CATSPERE: variants seen among roughly 807,000 people sequenced by gnomAD.
CATSPERE encodes cation channel sperm-associated auxiliary subunit epsilon.
In CATSPERE, 93 loss-of-function variants were observed where a neutral mutation model predicts 114.1. The ratio of observed to expected loss-of-function variants is 0.81; its 90% confidence interval spans 0.69 to 0.97. CATSPERE has a LOEUF of 0.97. CATSPERE is among the 50% of genes least tolerant of loss of function. The probability of loss-of-function intolerance (pLI) is 0.00; values close to 1 mark genes in which losing one functional copy is unlikely to be tolerated. For synonymous variants in CATSPERE, 341 were observed against 384.1 expected, an observed-to-expected ratio of 0.89 and a Z score of 1.31; for missense variants, 1,058 against 1,131.6, an observed-to-expected ratio of 0.93 and a Z score of 0.93.
chr1:244,493,294 C>T (rs1053862141), intron 6 of CATSPERE, among the ~76,000 whole-genome samples: 8 of 152,256 alleles, frequency 5.3e-5, no homozygotes, highest in South Asian at 4.2e-4. Flanking sequence ...GAAATACTGC[C>T]ACATATCTAC....
At chr1:244,576,063 C>T (rs1335012866) in intron 11 of CATSPERE, among the ~76,000 whole-genome samples, 1 of 152,132 alleles carries the variant, frequency 6.6e-6, no homozygotes, top group African/African-American at 2.4e-5. Flanking sequence ...TTAGTCCTGA[C>T]CACCAAGGAA....
In CATSPERE at chr1:244,575,394, G is replaced by A. The variant is rs1665089782; in HGVS notation, c.1950+2622G>A. On this transcript the variant is annotated intron_variant, in intron 11 of 21. Coordinates refer to ENST00000366534, the MANE Select transcript of CATSPERE (RefSeq NM_001130957.2). This position sits in a 1 kb window ranked among gnomAD's most constrained non-coding sequence, Gnocchi z 4.5. ...GAGGGACCTACCTCTTGGCTGCCGGGCTGCGCGGCATGGTATCCTGGCCCC... is the reference window on the plus strand; with the variant it reads ...GAGGGACCTACCTCTTGGCTGCCGGACTGCGCGGCATGGTATCCTGGCCCC... 6.6e-6 allele frequency among the ~76,000 whole-genome samples: 1 copy of A among 152,214 alleles called. No homozygotes were observed. Among genetic ancestry groups the A allele is most frequent in the Non-Finnish European group, 1.5e-5 (1 of 68,038 alleles).
intron 10 of CATSPERE, among the ~76,000 whole-genome samples, chr1:244,570,629 C>T (rs1664293791): frequency 6.6e-6 from 1 of 152,122 alleles, no homozygotes; most frequent in African/African-American, 2.4e-5. Context: ...CTCATTTTAA[C>T]TTCATATTTA....
At chr1:244,592,541 A>G (rs971729766) in intron 15 of CATSPERE, among the ~76,000 whole-genome samples, 1 of 152,142 alleles carries the variant, frequency 6.6e-6, no homozygotes, top group Non-Finnish European at 1.5e-5. Flanking sequence ...ATTATTTAAA[A>G]TAATAAGTAG....
intron 8 of CATSPERE, among the ~76,000 whole-genome samples, chr1:244,534,319 G>C (rs1680046128): frequency 6.6e-6 from 1 of 152,050 alleles, no homozygotes; most frequent in Non-Finnish European, 1.5e-5. Flanking sequence ...GGTTTTGGAA[G>C]TTCTCTGTTA....
At chr1:244,460,572 C>T (rs370472849), upstream of CATSPERE, among the ~76,000 whole-genome samples, 553 of 152,362 alleles carry the variant, frequency 3.6e-3, 4 homozygotes, top group African/African-American at 0.012. Context: ...AATAATAAAA[C>T]TCCAGTCTCC....
In CATSPERE at chr1:244,560,853, G is replaced by T. The variant is rs1185409434; in HGVS notation, c.1215G>T (p.Val405=). Residue 405 remains valine (V), a synonymous_variant, in exon 10 of 22, where the codon GTG becomes GTT. Transcript: ENST00000366534. ...EYTGHPLEIA[V]FLNYCTVCNV... ...CAGGACACCCTCTGGAGATTGCTGTGTTTTTAAATTATTGCACTGTATGTA... is the reference window on the plus strand; with the variant it reads ...CAGGACACCCTCTGGAGATTGCTGTTTTTTTAAATTATTGCACTGTATGTA... 6.2e-7 allele frequency: 1 copy of T among 1,614,018 alleles called. No homozygotes were observed. The highest frequency in any genetic ancestry group is 8.5e-7 in the Non-Finnish European group (1 of 1,179,976).
intron 18 of CATSPERE, among the ~76,000 whole-genome samples, chr1:244,609,108 C>T (rs1034057965): frequency 2.6e-5 from 4 of 151,832 alleles, no homozygotes; most frequent in Non-Finnish European, 5.9e-5. Flanking sequence ...ATCGCTTGAA[C>T]CCAAGAAGTG....
rs3005943 is a variant in CATSPERE at position 244,531,359 on chromosome 1, C to T, written c.536+12661C>T. ...GTCTAATTGCTCTAGCTAGGACTTCCAGTACTGTTGAATAACAGTAGTGAA... is the reference window on the plus strand; with the variant it reads ...GTCTAATTGCTCTAGCTAGGACTTCTAGTACTGTTGAATAACAGTAGTGAA... On this transcript the variant is annotated intron_variant, in intron 8 of 21. Coordinates refer to ENST00000366534, the MANE Select transcript of CATSPERE (RefSeq NM_001130957.2). Among the ~76,000 whole-genome samples, 1,102 of 152,132 alleles carry T rather than the reference C, an allele frequency of 7.2e-3. 14 individuals are homozygous for T. The highest frequency in any genetic ancestry group is 0.025 in the African/African-American group (1,027 of 41,506).
At chr1:244,517,773 C>CA (rs113797840) in intron 7 of CATSPERE, among the ~76,000 whole-genome samples, 24,269 of 140,750 alleles carry the variant, frequency 0.17, 2,178 homozygotes, top group African/African-American at 0.22. Flanking sequence ...ACTCTTGTCT[C>CA]AAAAAAAAAA....
At chr1:244,506,889 C>T (rs1353747231) in intron 7 of CATSPERE, among the ~76,000 whole-genome samples, 1 of 152,094 alleles carries the variant, frequency 6.6e-6, no homozygotes, top group Non-Finnish European at 1.5e-5. Flanking sequence ...TATCCATTAA[C>T]CAGCCTCTCT....
At chr1:244,636,614 G>A (rs1207304204) in intron 21 of CATSPERE, 6 of 152,512 alleles carry the variant, frequency 3.9e-5, no homozygotes, top group Non-Finnish European at 8.8e-5. Flanking sequence ...CCCACCAACC[G>A]AAGAAGGAGT....
At chr1:244,603,863 C>G (rs1669618984) in intron 17 of CATSPERE, among the ~76,000 whole-genome samples, 1 of 152,098 alleles carries the variant, frequency 6.6e-6, no homozygotes, top group African/African-American at 2.4e-5. Flanking sequence ...TTAAAATTTA[C>G]TGGGTGTGGT....
At position 244,572,621 on chromosome 1, in the gene CATSPERE, A is replaced by G. The variant is rs777819456; in HGVS notation, c.1799A>G (p.Asp600Gly). 1.5e-5 allele frequency: 25 copies of G among 1,613,990 alleles called. No homozygotes were observed. The highest frequency in any genetic ancestry group is 2.2e-5 in the East Asian group (1 of 44,872). ...GTTGCTCATGTTTTTTACTTTTTGG[A>G]CAAGGGAGAGGCTCTGACAGTTTGG... The part of the protein sequence containing the change: ...NNVAHVFYFL[D>G]KGEALTVWTQ... Residue 600 changes from aspartate (D) to glycine (G), a missense_variant, in exon 11 of 22, where the codon GAC becomes GGC. This residue lies in a region of CATSPERE where 787 missense variants were observed against 905.6 expected (regional missense o/e 0.87). Coordinates refer to ENST00000366534, the MANE Select transcript of CATSPERE (RefSeq NM_001130957.2).
intron 20 of CATSPERE, among the ~76,000 whole-genome samples, chr1:244,624,128 A>T (rs369776887): frequency 1.6e-5 from 2 of 125,944 alleles, no homozygotes; most frequent in African/African-American, 2.9e-5. Context: ...TGCCCAGCTA[A>T]TTTTTTTTTT....
At chr1:244,533,588 C>T (rs574680989) in intron 8 of CATSPERE, among the ~76,000 whole-genome samples, 1 of 152,194 alleles carries the variant, frequency 6.6e-6, no homozygotes, top group Non-Finnish European at 1.5e-5. Flanking sequence ...TTATTTTAAA[C>T]TGATGACAAC....
In CATSPERE at chr1:244,575,372, G is replaced by A. The variant is rs1018143207; in HGVS notation, c.1950+2600G>A. On this transcript the variant is annotated intron_variant, in intron 11 of 21. Coordinates refer to ENST00000366534, the MANE Select transcript of CATSPERE (RefSeq NM_001130957.2). This position sits in a 1 kb window ranked among gnomAD's most constrained non-coding sequence, Gnocchi z 4.5. ...CCACGCAGAGCCAGGCTAGGGAGAG[G>A]GACCTACCTCTTGGCTGCCGGGCTG... Among the ~76,000 whole-genome samples, 1 of 152,168 alleles carries A rather than the reference G, an allele frequency of 6.6e-6. No homozygotes were observed. The highest frequency in any genetic ancestry group is 1.5e-5 in the Non-Finnish European group (1 of 68,024).
chr1:244,609,664 G>A (rs1558587666), intron 18 of CATSPERE, among the ~76,000 whole-genome samples: 1 of 152,126 alleles, frequency 6.6e-6, no homozygotes, highest in Non-Finnish European at 1.5e-5. Flanking sequence ...CAAATAAAAG[G>A]TATAAGGATG....
chr1:244,586,288 T>G (rs1667017071), intron 13 of CATSPERE, among the ~76,000 whole-genome samples: 1 of 152,224 alleles, frequency 6.6e-6, no homozygotes, highest in South Asian at 2.1e-4. Flanking sequence ...TGCTTGATCC[T>G]GAGGCTTGGG....
Sources: allele counts gnomAD v4.1 joint callset (sites outside exome capture counted in the v4.1 genomes callset), GRCh38; gene constraint gnomAD v4.1.1; regional missense constraint gnomAD v4.1.1; non-coding constraint Gnocchi (gnomAD v3.1); transcripts MANE v1.5; gene names NCBI Gene and HGNC (gene_info 2026-07-23, HGNC 2026-07-21).